Variants in CREB5 observed in about 807,000 individuals in gnomAD.
The protein encoded by CREB5 is cAMP responsive element binding protein 5.
Under a neutral mutation model 57.1 loss-of-function variants are expected in CREB5, and 19 were observed. The ratio of observed to expected loss-of-function variants is 0.33; its 90% CI spans 0.23 to 0.49. The LOEUF (loss-of-function observed/expected upper bound fraction) is 0.49. CREB5 is among the 20% of genes least tolerant of loss of function. CREB5 has a pLI of 0.99. For missense variants in CREB5, 579 were observed against 671.6 expected, an observed-to-expected ratio of 0.86 and a Z score of 1.52; for synonymous variants, 238 against 238.3, an observed-to-expected ratio of 1.00 and a Z score of 0.01.
intron 7 of CREB5, among the ~76,000 whole-genome samples, chr7:28,794,925 G>A (rs138200820): frequency 9.7e-4 from 147 of 152,254 alleles, no homozygotes; most frequent in Non-Finnish European, 1.8e-3. Flanking sequence ...AATAGAAATA[G>A]CATGCCTGCC....
chr7:28,446,636 C>CA (rs1271413295), intron 1 of CREB5, among the ~76,000 whole-genome samples: 1 of 152,054 alleles, frequency 6.6e-6, no homozygotes, highest in African/African-American at 2.4e-5. Flanking sequence ...ACTGAAAATA[C>CA]AAAAAATTAG....
intron 5 of CREB5, among the ~76,000 whole-genome samples, chr7:28,577,321 C>T (rs1043971450): frequency 6.6e-6 from 1 of 152,132 alleles, no homozygotes; most frequent in Non-Finnish European, 1.5e-5. Context: ...ATTATCTGAC[C>T]TCCTAGATAT....
chr7:28,739,701 T>C (rs1228283260), intron 7 of CREB5, among the ~76,000 whole-genome samples: 1 of 152,024 alleles, frequency 6.6e-6, no homozygotes, highest in Non-Finnish European at 1.5e-5. Flanking sequence ...AAAGGAGAAT[T>C]TGGAGGGAGG....
At chr7:28,620,491 T>A (rs1025328603) in intron 5 of CREB5, among the ~76,000 whole-genome samples, 2 of 152,188 alleles carry the variant, frequency 1.3e-5, no homozygotes, top group Non-Finnish European at 2.9e-5. Flanking sequence ...CACGCTCTGG[T>A]GCCTAATAAA....
At chr7:28,430,637 T>A (rs2128016954) in intron 1 of CREB5, among the ~76,000 whole-genome samples, 1 of 137,142 alleles carries the variant, frequency 7.3e-6, no homozygotes, top group Non-Finnish European at 1.7e-5. Flanking sequence ...TTTACCCTTA[T>A]AATTTAGGGG....
chr7:28,699,417 G>A (rs1354560220), intron 5 of CREB5, among the ~76,000 whole-genome samples: 1 of 152,114 alleles, frequency 6.6e-6, no homozygotes, highest in Non-Finnish European at 1.5e-5. Context: ...TTATTATCTT[G>A]TTAGGGGAGC....
At chr7:28,558,175 C>T (rs1395891229) in intron 4 of CREB5, among the ~76,000 whole-genome samples, 3 of 152,206 alleles carry the variant, frequency 2.0e-5, no homozygotes, top group Non-Finnish European at 4.4e-5. Flanking sequence ...AAGCCTCTCA[C>T]TGAGTTTCTC....
At chr7:28,410,987 CA>C (rs1787769008), upstream of CREB5, among the ~76,000 whole-genome samples, 2 of 152,180 alleles carry the variant, frequency 1.3e-5, no homozygotes, top group Admixed American at 1.3e-4. Context: ...CGCCTTTTTA[CA>C]GCTTTCCCTG....
At chr7:28,526,751 T>A (rs1329790497) in intron 4 of CREB5, among the ~76,000 whole-genome samples, 1 of 152,136 alleles carries the variant, frequency 6.6e-6, no homozygotes, top group African/African-American at 2.4e-5. Flanking sequence ...ACAAAAGAGG[T>A]GCTGCCTGCC....
At chr7:28,424,266 A>G (rs1003801525) in intron 1 of CREB5, among the ~76,000 whole-genome samples, 5 of 152,254 alleles carry the variant, frequency 3.3e-5, no homozygotes, top group African/African-American at 7.2e-5. Flanking sequence ...GGACTCCAAC[A>G]TATCTCCTTT....
intron 5 of CREB5, among the ~76,000 whole-genome samples, chr7:28,626,985 A>G (rs1472168846): frequency 6.6e-6 from 1 of 152,214 alleles, no homozygotes; most frequent in East Asian, 1.9e-4. Context: ...GCAATGAGTT[A>G]GAAACAAGTC....
intron 4 of CREB5, among the ~76,000 whole-genome samples, 187 bp downstream of exon 4, chr7:28,507,924 C>A (rs1388902168): frequency 1.3e-5 from 2 of 152,138 alleles, no homozygotes; most frequent in African/African-American, 2.4e-5. Context: ...CTAGATAAAT[C>A]AAAAATTTAG....
chr7:28,751,908 T>C (rs1217632460), intron 7 of CREB5, among the ~76,000 whole-genome samples: 1 of 152,238 alleles, frequency 6.6e-6, no homozygotes, highest in East Asian at 1.9e-4. Context: ...TCTTTTATGA[T>C]CTTGATATTT....
intron 5 of CREB5, among the ~76,000 whole-genome samples, chr7:28,684,742 G>GA (rs5883162): frequency 0.37 from 56,588 of 151,570 alleles, 12,158 homozygotes; most frequent in East Asian, 0.78. Flanking sequence ...TTTGGAAAAG[G>GA]AAAAAAAAAT....
intron 5 of CREB5, among the ~76,000 whole-genome samples, chr7:28,589,278 G>A (rs370541149): frequency 2.6e-5 from 4 of 152,200 alleles, no homozygotes; most frequent in African/African-American, 9.6e-5. Flanking sequence ...ATTTGGGCTG[G>A]GCGCAGTGGC....
chr7:28,421,856 TC>T, intron 1 of CREB5, among the ~76,000 whole-genome samples: 1 of 142,322 alleles, frequency 7.0e-6, no homozygotes, highest in African/African-American at 2.7e-5. Flanking sequence ...ACTCTCTCTC[TC>T]TATATATACC....
intron 4 of CREB5, among the ~76,000 whole-genome samples, chr7:28,560,863 TGCCTGCGTGCGC>T (rs1562797303): frequency 9.1e-4 from 22 of 24,232 alleles, no homozygotes; most frequent in East Asian, 1.2e-3. Context: ...TGTGTGCGTG[TGCCTGCGTGCGC>T]GTGCGTGCGT....
At chr7:28,641,017 T>G (rs1798636759) in intron 5 of CREB5, among the ~76,000 whole-genome samples, 1 of 152,214 alleles carries the variant, frequency 6.6e-6, no homozygotes, top group South Asian at 2.1e-4. Context: ...TTTCCCCAAA[T>G]GATTGAGTGT....
At chr7:28,399,311 G>C (rs142130846) in intron 1 of CREB5, among the ~76,000 whole-genome samples, 1 of 150,266 alleles carries the variant, frequency 6.7e-6, no homozygotes, top group African/African-American at 2.4e-5. Context: ...TAAGTGATAG[G>C]AAAATGGCTT....
Sources: allele counts gnomAD v4.1 joint callset (sites outside exome capture counted in the v4.1 genomes callset), GRCh38; gene constraint gnomAD v4.1.1; transcripts MANE v1.5; gene names NCBI Gene and HGNC (gene_info 2026-07-23, HGNC 2026-07-21).